PTPRK: variants seen among roughly 807,000 people sequenced by gnomAD.
PTPRK encodes the protein receptor-type tyrosine-protein phosphatase kappa.
Under a neutral mutation model 178.0 loss-of-function variants are expected in PTPRK, and 75 were observed. That is an observed-to-expected ratio of 0.42 (90% CI 0.35 to 0.51). The LOEUF (loss-of-function observed/expected upper bound fraction) is 0.51, where lower values mean the gene tolerates loss of function less well. Among genes scored for constraint, PTPRK ranks in the 20% least tolerant of loss-of-function variants. PTPRK has a pLI of 0.02. For missense variants in PTPRK, 1,441 were observed against 1,797.8 expected, an observed-to-expected ratio of 0.80 and a Z score of 3.59; for synonymous variants, 637 against 620.6, an observed-to-expected ratio of 1.03 and a Z score of -0.39.
intron 2 of PTPRK, among the ~76,000 whole-genome samples, chr6:128,383,762 G>A (rs1838288551): frequency 6.6e-6 from 1 of 152,094 alleles, no homozygotes; most frequent in Non-Finnish European, 1.5e-5. Context: ...TAATTCTATT[G>A]TCAAGAACAG....
rs776395296 is a variant in PTPRK, at chr6:128,277,119, G to GA, written c.496-34518dup. On this transcript the variant is annotated intron_variant, in intron 3 of 29. Coordinates refer to ENST00000368226, the MANE Select transcript of PTPRK (RefSeq NM_002844.4). Reference sequence around the variant, plus strand: ...TTGGCACAACAGTGTCAGTCTGAAAGAAAAAAAAAAAAGTCTCACTAACAT... The same window carrying GA: ...TTGGCACAACAGTGTCAGTCTGAAAGAAAAAAAAAAAAAGTCTCACTAACAT... Among the ~76,000 whole-genome samples the GA allele has an allele frequency of 8.0e-3, 1,067 of 132,640 alleles. 2 individuals are homozygous for GA. The highest frequency in any genetic ancestry group is 0.019 in the African/African-American group (688 of 36,016). 87.0% of individuals were successfully genotyped at this position (132,640 alleles called of 152,430 possible). A position where few individuals can be genotyped will look rare whatever the true frequency, so the allele number is the denominator to read the frequency against.
In PTPRK at chr6:127,998,436, C is replaced by T. The variant is rs9482853; in HGVS notation, c.2679+284G>A. ...TACTTGATTTTTGCATGGGGAGATA[C>T]GCAAAGTGTTTTTTTTTAATACCAT... is the stretch of plus-strand genomic sequence containing the variant. On this transcript the variant is annotated intron_variant, in intron 16 of 29. Transcript: ENST00000368226. Among the ~76,000 whole-genome samples, 144 of 151,908 alleles carry T rather than the reference C, an allele frequency of 9.5e-4. 1 individual carries two copies. Among genetic ancestry groups the T allele is most frequent in the African/African-American group, 3.1e-3 (130 of 41,426 alleles).
At position 128,520,340 on chromosome 6, in the gene PTPRK, C is replaced by A. The variant is rs755860640; in HGVS notation, c.19G>T (p.Ala7Ser). 2 of 1,608,906 alleles carry A rather than the reference C, an allele frequency of 1.2e-6. No homozygotes were observed. Among genetic ancestry groups the A allele is most frequent in the African/African-American group, 2.7e-5 (2 of 74,948 alleles). ...AGCGCCACAAAAGCAGGCAGCGCCGCCGCCGCAGTCGTATCCATGCCGAGT... is the reference window on the plus strand; with the variant it reads ...AGCGCCACAAAAGCAGGCAGCGCCGACGCCGCAGTCGTATCCATGCCGAGT... MDTTAA[A>S]ALPAFVALLL... The change falls in exon 1 of 30, where the codon GCG becomes TCG. Residue 7 changes from alanine to serine, a missense_variant. Physicochemically the swap from Ala to Ser is moderately conservative, Grantham distance 99. Around this residue, in one of 4 missense-constraint regions of PTPRK, gnomAD observed 158 missense variants for 188.0 expected, o/e 0.84. Coordinates refer to ENST00000368226, the MANE Select transcript of PTPRK (RefSeq NM_002844.4).
intron 1 of PTPRK, among the ~76,000 whole-genome samples, chr6:128,420,839 A>G (rs557130765): frequency 1.3e-5 from 2 of 152,338 alleles, no homozygotes; most frequent in Admixed American, 6.5e-5. Context: ...GATTTGAACC[A>G]AAAAACAGTG....
At chr6:128,248,844 C>T (rs1815952056) in intron 3 of PTPRK, among the ~76,000 whole-genome samples, 1 of 152,040 alleles carries the variant, frequency 6.6e-6, no homozygotes, top group Non-Finnish European at 1.5e-5. Context: ...AAAAATTTTT[C>T]TTATTACTTT....
At chr6:128,010,165 G>GA (rs910988256) in intron 13 of PTPRK, among the ~76,000 whole-genome samples, 32 of 151,366 alleles carry the variant, frequency 2.1e-4, no homozygotes, top group African/African-American at 6.8e-4. Context: ...CAAGAGCAAA[G>GA]AAAAAATCTA....
chr6:128,117,582 T>C (rs1284255875), intron 7 of PTPRK, among the ~76,000 whole-genome samples: 1 of 152,224 alleles, frequency 6.6e-6, no homozygotes, highest in Non-Finnish European at 1.5e-5. Context: ...TCCAGCTTAA[T>C]TCATTTTTAT....
intron 1 of PTPRK, among the ~76,000 whole-genome samples, chr6:128,463,888 A>T (rs1447787449): frequency 6.6e-6 from 1 of 151,314 alleles, no homozygotes; most frequent in Non-Finnish European, 1.5e-5. Context: ...AGTAGCTGGG[A>T]TTACAGGTGC....
At chr6:128,346,802 T>C (rs1832489601) in intron 2 of PTPRK, among the ~76,000 whole-genome samples, 1 of 152,108 alleles carries the variant, frequency 6.6e-6, no homozygotes, top group Non-Finnish European at 1.5e-5. Context: ...GTGAGGAATA[T>C]ATTGGAAAAC....
chr6:128,126,867 A>G (rs1370447287), intron 7 of PTPRK, among the ~76,000 whole-genome samples: 1 of 152,230 alleles, frequency 6.6e-6, no homozygotes, highest in Non-Finnish European at 1.5e-5. Flanking sequence ...ATTTTGTATG[A>G]AATGTCAAAG....
chr6:128,492,522 T>C (rs776976621), intron 1 of PTPRK, among the ~76,000 whole-genome samples: 17 of 148,594 alleles, frequency 1.1e-4, no homozygotes, highest in Non-Finnish European at 4.4e-5. Flanking sequence ...AGCTTGAAAC[T>C]TATTTGTCTT....
At chr6:128,110,448 G>A (rs1244250403) in intron 7 of PTPRK, among the ~76,000 whole-genome samples, 1 of 152,092 alleles carries the variant, frequency 6.6e-6, no homozygotes, top group African/African-American at 2.4e-5. Context: ...CCATTAATGT[G>A]CAGAGGATAT....
intron 7 of PTPRK, among the ~76,000 whole-genome samples, chr6:128,157,654 T>C (rs1798122509): frequency 6.6e-6 from 1 of 152,032 alleles, no homozygotes; most frequent in Admixed American, 6.6e-5. Flanking sequence ...AGATGGTATC[T>C]CATTTTGGTT....
intron 7 of PTPRK, among the ~76,000 whole-genome samples, chr6:128,154,364 G>T (rs934693967): frequency 6.6e-5 from 10 of 151,644 alleles, no homozygotes; most frequent in African/African-American, 2.4e-4. Flanking sequence ...AGTTTTATTG[G>T]TGTCAGCCAT....
chr6:128,503,957 C>A (rs576705293), intron 1 of PTPRK, among the ~76,000 whole-genome samples: 1 of 151,742 alleles, frequency 6.6e-6, no homozygotes. Context: ...TGGAAATGCA[C>A]AAATCAATGG....
chr6:128,395,710 C>T (rs1048265661), intron 2 of PTPRK, among the ~76,000 whole-genome samples: 6 of 151,850 alleles, frequency 4.0e-5, no homozygotes, highest in African/African-American at 1.5e-4. Context: ...TACAAATCTA[C>T]GCACAAAATT....
chr6:128,014,848 T>C (rs1186208725), intron 13 of PTPRK, among the ~76,000 whole-genome samples: 1 of 151,664 alleles, frequency 6.6e-6, no homozygotes, highest in African/African-American at 2.4e-5. Flanking sequence ...TTGCATGTGA[T>C]CTTATGAAAC....
chr6:128,482,870 A>C (rs1465222770), intron 1 of PTPRK, among the ~76,000 whole-genome samples: 1 of 152,094 alleles, frequency 6.6e-6, no homozygotes, highest in Non-Finnish European at 1.5e-5. Context: ...TAAGCCAATG[A>C]AGAGTTATTA....
intron 3 of PTPRK, among the ~76,000 whole-genome samples, chr6:128,315,398 C>T (rs1466466485): frequency 6.6e-6 from 1 of 151,980 alleles, no homozygotes; most frequent in Non-Finnish European, 1.5e-5. Context: ...GATTTTTTAA[C>T]AGATCATTCA....
Sources: gnomAD v4.1 joint callset for allele counts (sites outside exome capture counted in the v4.1 genomes callset) on GRCh38, gnomAD v4.1.1 for gene constraint, gnomAD v4.1.1 regional missense constraint, MANE v1.5 for transcripts, NCBI Gene and HGNC (gene_info 2026-07-23, HGNC 2026-07-21) for gene names.